Variants in PRR16 observed in about 807,000 individuals in gnomAD.
The protein encoded by PRR16 is protein Largen.
In PRR16, 6 loss-of-function variants were observed where a neutral mutation model predicts 18.2. The ratio of observed to expected loss-of-function variants is 0.33; its 90% CI spans 0.18 to 0.65. PRR16 has a LOEUF of 0.65. Among genes scored for constraint, PRR16 ranks in the 30% least tolerant of loss-of-function variants. PRR16 has a pLI of 0.74. For missense variants in PRR16, 412 were observed against 376.6 expected (o/e 1.09, Z -0.78); for synonymous variants, 151 against 147.8 (o/e 1.02, Z -0.16).
chr5:120,615,799 A>G (rs12514071), intron 1 of PRR16, among the ~76,000 whole-genome samples: 13,933 of 152,166 alleles, frequency 0.092, 916 homozygotes, highest in Admixed American at 0.19. Context: ...ATTAATATGT[A>G]GGTGAGAATT....
chr5:120,566,233 C>G (rs1752733850), intron 1 of PRR16, among the ~76,000 whole-genome samples: 1 of 152,128 alleles, frequency 6.6e-6, no homozygotes, highest in African/African-American at 2.4e-5. Flanking sequence ...TGTGTGATCC[C>G]TTCCTCAAGG....
At chr5:120,545,311 CT>C (rs1209499119) in intron 1 of PRR16, among the ~76,000 whole-genome samples, 1 of 152,002 alleles carries the variant, frequency 6.6e-6, no homozygotes, top group East Asian at 1.9e-4. Context: ...AGATTGGATT[CT>C]GTCCATTTGA....
chr5:120,789,572 G>A, the PRR16 span, among the ~76,000 whole-genome samples: 4 of 152,056 alleles, frequency 2.6e-5, no homozygotes, highest in South Asian at 8.3e-4. Flanking sequence ...AATGCACTTT[G>A]TGGTTATTAT....
chr5:120,532,845 C>T (rs1035895581), intron 1 of PRR16, among the ~76,000 whole-genome samples: 1 of 151,976 alleles, frequency 6.6e-6, no homozygotes, highest in Non-Finnish European at 1.5e-5. Context: ...CCATTTACCC[C>T]CAAAAAGTAA....
the PRR16 span, among the ~76,000 whole-genome samples, chr5:120,748,239 G>T: frequency 7.2e-3 from 1,096 of 152,156 alleles, 9 homozygotes; most frequent in African/African-American, 0.025. Flanking sequence ...GACATGTTCA[G>T]ACTGTAGTGA....
chr5:120,699,143 A>AAC, the PRR16 span, among the ~76,000 whole-genome samples: 1 of 151,458 alleles, frequency 6.6e-6, no homozygotes, highest in Non-Finnish European at 1.5e-5. Flanking sequence ...CTTGATGTGT[A>AAC]GGGAAGGGAG....
the PRR16 span, among the ~76,000 whole-genome samples, chr5:120,754,143 A>ATAATATATAAATATG: frequency 2.4e-4 from 10 of 41,510 alleles, 1 homozygote; most frequent in South Asian, 6.5e-3. Flanking sequence ...CGCTTAATAT[A>ATAATATATAAATATG]TAATATATAA....
At chr5:120,665,041 C>A (rs1756321071) in intron 1 of PRR16, among the ~76,000 whole-genome samples, 2 of 149,470 alleles carry the variant, frequency 1.3e-5, no homozygotes, top group South Asian at 2.2e-4. Flanking sequence ...CACTGACTTC[C>A]ACAATGGTTG....
the PRR16 span, among the ~76,000 whole-genome samples, chr5:120,746,133 T>A: frequency 6.6e-6 from 1 of 151,336 alleles, no homozygotes; most frequent in Non-Finnish European, 1.5e-5. Context: ...GCTTTTTTTT[T>A]TCTATTTAAT....
intron 1 of PRR16, among the ~76,000 whole-genome samples, chr5:120,644,265 A>G (rs1412230146): frequency 6.6e-6 from 1 of 152,082 alleles, no homozygotes; most frequent in African/African-American, 2.4e-5. Flanking sequence ...GTAAATGATT[A>G]TTATTTTTAT....
At chr5:120,689,161 A>G (rs1051774381), downstream of PRR16, among the ~76,000 whole-genome samples, 1 of 152,280 alleles carries the variant, frequency 6.6e-6, no homozygotes, top group South Asian at 2.1e-4. Flanking sequence ...CAGCACTCTT[A>G]GGACTTATTT....
At chr5:120,529,900 C>T (rs1248881720) in intron 1 of PRR16, among the ~76,000 whole-genome samples, 4 of 151,742 alleles carry the variant, frequency 2.6e-5, no homozygotes, top group Non-Finnish European at 5.9e-5. Flanking sequence ...AAACACAATA[C>T]AGCAGGCTTT....
intron 1 of PRR16, among the ~76,000 whole-genome samples, chr5:120,626,955 A>T (rs1754887335): frequency 6.6e-6 from 1 of 152,084 alleles, no homozygotes; most frequent in African/African-American, 2.4e-5. Flanking sequence ...TTTCAAATGA[A>T]AATGTTTAAT....
At chr5:120,589,006 G>A (rs1430444540) in intron 1 of PRR16, among the ~76,000 whole-genome samples, 1 of 151,820 alleles carries the variant, frequency 6.6e-6, no homozygotes, top group Non-Finnish European at 1.5e-5. Context: ...TTAGAATCTT[G>A]CCTCTACCGT....
chr5:120,505,391 G>C (rs1404057611), intron 1 of PRR16, among the ~76,000 whole-genome samples: 1 of 151,058 alleles, frequency 6.6e-6, no homozygotes, highest in Non-Finnish European at 1.5e-5. Flanking sequence ...GGTATTGAAT[G>C]TGGCTGTTGC....
chr5:120,767,480 G>T, the PRR16 span, among the ~76,000 whole-genome samples: 2 of 151,822 alleles, frequency 1.3e-5, no homozygotes, highest in Admixed American at 6.6e-5. Context: ...GTGATGTCAG[G>T]AAAGACATAA....
chr5:120,615,344 C>T lies in PRR16; in HGVS notation c.160-70610C>T, dbSNP rs1246021130. Among the ~76,000 whole-genome samples the T allele has an allele frequency of 2.7e-5, 4 of 150,752 alleles. No homozygotes were observed. The East Asian group carries it at 5.8e-4, about 22-fold the overall frequency. On this transcript the variant is annotated intron_variant, in intron 1 of 1. Coordinates refer to ENST00000407149, the MANE Select transcript of PRR16 (RefSeq NM_001300783.2). ...GAAAATCTATATTCTCTTCTATAGG[C>T]CCTTAGGCCACTTTCTATGGATTTC...
In PRR16 at chr5:120,494,014, G is replaced by A. The variant is rs193077527; in HGVS notation, c.159+29369G>A. On this transcript the variant is annotated intron_variant, in intron 1 of 1. Coordinates refer to ENST00000407149, the MANE Select transcript of PRR16 (RefSeq NM_001300783.2). ...ATAAACATTTATGTAAATTTGTTGT[G>A]TGAATATAAATTTTTATTTCTCTAC... Among the ~76,000 whole-genome samples the A allele has an allele frequency of 1.4e-4, 21 of 152,218 alleles. 1 individual carries two copies. The highest frequency in any genetic ancestry group is 1.2e-3 in the Admixed American group (18 of 15,266).
intron 1 of PRR16, among the ~76,000 whole-genome samples, chr5:120,646,249 C>G (rs2150128441): frequency 6.6e-6 from 1 of 151,612 alleles, no homozygotes; most frequent in South Asian, 2.1e-4. Context: ...CATCTTACAT[C>G]TATCATATCT....
Sources: allele counts gnomAD v4.1 joint callset (sites outside exome capture counted in the v4.1 genomes callset), GRCh38; gene constraint gnomAD v4.1.1; transcripts MANE v1.5; gene names NCBI Gene and HGNC (gene_info 2026-07-23, HGNC 2026-07-21).